The following NEK3 variants were observed in gnomAD, a reference collection of about 807,000 sequenced individuals.
NEK3 encodes NIMA related kinase 3.
A neutral mutation model predicts 66.0 loss-of-function variants in NEK3; 54 were observed. The ratio of observed to expected loss-of-function variants is 0.82; its 90% CI spans 0.66 to 1.03. The LOEUF (loss-of-function observed/expected upper bound fraction) is 1.03, where lower values mean the gene tolerates loss of function less well. Ranked by LOEUF, NEK3 falls within the 50% of genes least tolerant of loss-of-function variation. The pLI, the probability that NEK3 is intolerant of heterozygous loss-of-function variation, is 0.00. For synonymous variants in NEK3, 200 were observed against 206.2 expected, an observed-to-expected ratio of 0.97 and a Z score of 0.26; for missense variants, 593 against 603.0, an observed-to-expected ratio of 0.98 and a Z score of 0.17.
At chr13:52,143,365 A>G (rs1421906186) in intron 10 of NEK3, among the ~76,000 whole-genome samples, 1 of 151,780 alleles carries the variant, frequency 6.6e-6, no homozygotes, top group Non-Finnish European at 1.5e-5. Context: ...CTGAGTGGTG[A>G]ATACGGAGAG....
Position 52,143,932 on chromosome 13 carries a change from T to C in NEK3, c.860A>G (p.Asn287Ser), listed in dbSNP as rs1402988066. 6 of 1,494,090 alleles carry C rather than the reference T, an allele frequency of 4.0e-6. No homozygotes were observed. The highest frequency in any genetic ancestry group is 5.5e-6 in the Non-Finnish European group (6 of 1,099,516). 92.6% of individuals were successfully genotyped at this position (1,494,090 alleles called of 1,614,324 possible). A position where few individuals can be genotyped will look rare whatever the true frequency, so the allele number is the denominator to read the frequency against. The change falls in exon 10 of 16, where the codon AAC (asparagine) becomes AGC (serine). Residue 287 changes from asparagine (N) to serine (S), a missense_variant. Transcript: ENST00000610828. ...VLEEIKNSKH[N>S]TPRKKTNPSR... Reference sequence around the variant, plus strand: ...ATTCTTACTTTTTTTTCTTGGTGTGTTATGCTTCGAATTTTTTATTTCTTC... The same window carrying C: ...ATTCTTACTTTTTTTTCTTGGTGTGCTATGCTTCGAATTTTTTATTTCTTC...
At position 52,141,030 on chromosome 13, in the gene NEK3, G is replaced by C. The variant is rs1320385257; in HGVS notation, c.917C>G (p.Ala306Gly). Reference sequence around the variant, plus strand: ...TTTTAAAGCACTTACCACTGTGCTTGCTTCATTTCCCAAAGCTATCCTGAT... The same window carrying C: ...TTTTAAAGCACTTACCACTGTGCTTCCTTCATTTCCCAAAGCTATCCTGAT... ...SRIRIALGNE[A>G]STVQEEEQDR... Residue 306 changes from alanine (A) to glycine (G), a missense_variant, in exon 11 of 16, where the codon GCA (alanine) becomes GGA (glycine). Transcript: ENST00000610828. 1 of 1,597,424 alleles carries C rather than the reference G, an allele frequency of 6.3e-7. No homozygotes were observed. Among genetic ancestry groups the C allele is most frequent in the Non-Finnish European group, 8.5e-7 (1 of 1,171,806 alleles).
At chr13:52,154,232 TAC>T (rs1956372831) in intron 2 of NEK3, 59 bp from the exon 3 acceptor site, 1 of 1,056,582 alleles carries the variant, frequency 9.5e-7, no homozygotes, top group African/African-American at 1.6e-5. Context: ...TACATAACTT[TAC>T]AATAACATGG....
intron 1 of NEK3, among the ~76,000 whole-genome samples, chr13:52,158,285 C>A (rs1011113722): frequency 6.6e-6 from 1 of 152,122 alleles, no homozygotes; most frequent in Non-Finnish European, 1.5e-5. Context: ...TGTAAAAATT[C>A]CAGTTTGTAT....
chr13:52,149,532 T>C (rs916165382), intron 7 of NEK3, among the ~76,000 whole-genome samples: 1 of 152,186 alleles, frequency 6.6e-6, no homozygotes, highest in Admixed American at 6.5e-5. Flanking sequence ...TTGGCCATGT[T>C]TGCGTGCTAA....
In NEK3 at chr13:52,144,696, G is replaced by C. The variant is rs368783409; in HGVS notation, c.799C>G (p.Pro267Ala). 19 of 1,613,682 alleles carry C rather than the reference G, an allele frequency of 1.2e-5. No individual in the cohort carries two copies. Among genetic ancestry groups the C allele is most frequent in the South Asian group, 3.3e-5 (3 of 91,056 alleles). The change falls in exon 9 of 16, where the codon CCC (proline) becomes GCC (alanine). Residue 267 changes from proline to alanine, a missense_variant. Physicochemically the swap from Pro to Ala is conservative, Grantham distance 27. Transcript: ENST00000610828. ...CAATCCAACACAGATCATACCTCGG[G>C]GGGTAAGCACTTCTGGACAAGCCGA... The part of the protein sequence containing the change: ...VARLVQKCLP[P>A]EIIMEYGEEV...
In NEK3 at chr13:52,144,852, A is replaced by G; in HGVS notation, c.643T>C (p.Cys215Arg). Residue 215 changes from cysteine to arginine, a missense_variant, in exon 9 of 16, where the codon TGT becomes CGT. Coordinates refer to ENST00000610828, the MANE Select transcript of NEK3 (RefSeq NM_002498.3). ...GGCAGTGGACTGATGCACCCTTGAC[A>G]TACTTTGAGGATAAGATTTTTCCAA... ...NSWKNLILKV[C>R]QGCISPLPSH... 6.2e-7 allele frequency: 1 copy of G among 1,611,596 alleles called. No homozygotes were observed. Among genetic ancestry groups the G allele is most frequent in the Non-Finnish European group, 8.5e-7 (1 of 1,178,732 alleles).
chr13:52,142,868 C>T (rs907473308), intron 10 of NEK3, among the ~76,000 whole-genome samples: 2 of 151,898 alleles, frequency 1.3e-5, no homozygotes, highest in Non-Finnish European at 1.5e-5. Context: ...GAAATGAAAG[C>T]GAATAAAAAT....
rs751824602 is a variant in NEK3, at chr13:52,159,549, C to T, written c.-64G>A. The stretch of plus-strand genomic sequence containing the variant: ...CAGGGCGGGGACCACTCACCCGCTT[C>T]CCCGGCGACCCTAGTCCACTCCTTG... On this transcript the variant is annotated 5_prime_UTR_variant, in exon 1 of 16. Coordinates refer to ENST00000610828, the MANE Select transcript of NEK3 (RefSeq NM_002498.3). 6.6e-6 allele frequency: 1 copy of T among 152,320 alleles called. No homozygotes were observed. Among genetic ancestry groups the T allele is most frequent in the Non-Finnish European group, 1.5e-5 (1 of 68,136 alleles). The allele number at this position is 152,320 out of a possible 1,614,324, so 9.4% of individuals were successfully genotyped here.
chr13:52,158,065 C>A (rs966776274), intron 1 of NEK3, among the ~76,000 whole-genome samples: 8 of 152,208 alleles, frequency 5.3e-5, no homozygotes, highest in African/African-American at 1.9e-4. Flanking sequence ...TTAGTAGAGA[C>A]GCGGTTTCTC....
Position 52,154,140 on chromosome 13 carries a change from C to A in NEK3, c.151G>T (p.Ala51Ser), listed in dbSNP as rs761689755. The change falls in exon 3 of 16, where the codon GCT (alanine) becomes TCT (serine). Residue 51 changes from alanine (A) to serine (S), a missense_variant. Transcript: ENST00000610828. ...TGTTTCATTTTGGCTAAAAGAACAGCCTCCTTCCTAGAATTCTGTGTATTA... is the reference window on the plus strand; with the variant it reads ...TGTTTCATTTTGGCTAAAAGAACAGACTCCTTCCTAGAATTCTGTGTATTA... Reference protein sequence around the residue: ...FSNTQNSRKEAVLLAKMKHPN... With the variant: ...FSNTQNSRKESVLLAKMKHPN... The A allele has an allele frequency of 6.2e-7, 1 of 1,610,736 alleles. No homozygotes were observed. The highest frequency in any genetic ancestry group is 1.1e-5 in the South Asian group (1 of 90,606).
chr13:52,149,585 G>A (rs907258746), intron 7 of NEK3, among the ~76,000 whole-genome samples: 1 of 152,004 alleles, frequency 6.6e-6, no homozygotes, highest in Non-Finnish European at 1.5e-5. Flanking sequence ...AAAAAAGGTT[G>A]CCCGCCGGGC....
chr13:52,150,303 C>T (rs964027749), intron 7 of NEK3, among the ~76,000 whole-genome samples: 1 of 152,018 alleles, frequency 6.6e-6, no homozygotes, highest in African/African-American at 2.4e-5. Flanking sequence ...ATAAGGCCAA[C>T]AACAGAGGGA....
intron 7 of NEK3, among the ~76,000 whole-genome samples, chr13:52,150,496 T>C (rs186426043): frequency 9.8e-5 from 15 of 152,344 alleles, no homozygotes; most frequent in Admixed American, 7.2e-4. Flanking sequence ...CAAAATGTTA[T>C]TGGCAGTTAA....
In NEK3 at chr13:52,153,975, T is replaced by C; in HGVS notation, c.229A>G (p.Ile77Val). The change falls in exon 4 of 16, where the codon ATT becomes GTT. Residue 77 changes from isoleucine (I) to valine (V), a missense_variant. By Grantham distance (29) the Ile-to-Val change is conservative. Transcript: ENST00000610828. ...ESFEAEGHLY[I>V]VMEYCDGGDL... Reference sequence around the variant, plus strand: ...CCTCCATCACAGTATTCCATCACAATATACAAGTGTCCTTCAGCTAAAACA... The same window carrying C: ...CCTCCATCACAGTATTCCATCACAACATACAAGTGTCCTTCAGCTAAAACA... The C allele has an allele frequency of 1.2e-6, 2 of 1,612,864 alleles. No homozygotes were observed. Among genetic ancestry groups the C allele is most frequent in the Non-Finnish European group, 1.7e-6 (2 of 1,179,096 alleles).
At position 52,144,844 on chromosome 13, in the gene NEK3, C is replaced by A. The variant is rs370918685; in HGVS notation, c.651G>T (p.Gly217=). 6.2e-7 allele frequency: 1 copy of A among 1,612,274 alleles called. No individual in the cohort carries two copies. Among genetic ancestry groups the A allele is most frequent in the Non-Finnish European group, 8.5e-7 (1 of 1,179,136 alleles). The change falls in exon 9 of 16, where the codon GGG becomes GGT. Residue 217 remains glycine, a synonymous_variant. Transcript: ENST00000610828. The part of the protein sequence containing the change: ...WKNLILKVCQ[G]CISPLPSHYS... ...AATGAGACGGCAGTGGACTGATGCACCCTTGACATACTTTGAGGATAAGAT... is the reference window on the plus strand; with the variant it reads ...AATGAGACGGCAGTGGACTGATGCAACCTTGACATACTTTGAGGATAAGAT...
intron 1 of NEK3, chr13:52,157,097 A>C (rs1303780086): frequency 6.6e-6 from 1 of 152,256 alleles, no homozygotes; most frequent in Non-Finnish European, 1.5e-5. Flanking sequence ...AAGAAATTAC[A>C]TTCAGTTCAA....
intron 11 of NEK3, among the ~76,000 whole-genome samples, chr13:52,137,780 C>T (rs973382596): frequency 6.6e-6 from 1 of 152,174 alleles, no homozygotes; most frequent in Non-Finnish European, 1.5e-5. Flanking sequence ...TCCCACATTC[C>T]TCTGGGCGCT....
At chr13:52,141,728 G>A (rs1402784617) in intron 10 of NEK3, among the ~76,000 whole-genome samples, 1 of 150,694 alleles carries the variant, frequency 6.6e-6, no homozygotes, top group Non-Finnish European at 1.5e-5. Flanking sequence ...TCAGACATAT[G>A]GTCCCAGTCT....
Sources: gnomAD v4.1 joint callset for allele counts (sites outside exome capture counted in the v4.1 genomes callset) on GRCh38, gnomAD v4.1.1 for gene constraint, MANE v1.5 for transcripts, NCBI Gene and HGNC (gene_info 2026-07-23, HGNC 2026-07-21) for gene names.